ZNF326: variants seen among roughly 807,000 people sequenced by gnomAD.
ZNF326 encodes the protein zinc finger protein 326.
A neutral mutation model predicts 63.1 loss-of-function variants in ZNF326; 30 were observed. The ratio of observed to expected loss-of-function variants is 0.48; its 90% CI spans 0.36 to 0.64. The LOEUF is 0.64. ZNF326 is among the 30% of genes least tolerant of loss of function. The pLI, the probability that ZNF326 is intolerant of heterozygous loss-of-function variation, is 0.00. For missense variants in ZNF326, 609 were observed against 720.3 expected (o/e 0.85, Z 1.77); for synonymous variants, 194 against 228.2 (o/e 0.85, Z 1.35).
intron 1 of ZNF326, among the ~76,000 whole-genome samples, chr1:89,996,091 A>G (rs1263949644): frequency 1.3e-5 from 2 of 152,224 alleles, no homozygotes; most frequent in African/African-American, 2.4e-5. Context: ...TCAGATACTA[A>G]TTCTTTAAAC....
rs542385676 is a variant in ZNF326 at position 90,007,964 on chromosome 1, A to T, written c.615+214A>T. On this transcript the variant is annotated intron_variant, in intron 5 of 11. Transcript: ENST00000340281. This position sits in a 1 kb window ranked among gnomAD's most constrained non-coding sequence, Gnocchi z 4.9. ...TTGAGATGATCATAAAGTTGTGCCAAATCTCCCTTTATTAAAAAGGTGAGG... is the reference window on the plus strand; with the variant it reads ...TTGAGATGATCATAAAGTTGTGCCATATCTCCCTTTATTAAAAAGGTGAGG... Among the ~76,000 whole-genome samples the T allele has an allele frequency of 6.6e-6, 1 of 152,208 alleles. No individual in the cohort carries two copies. The highest frequency in any genetic ancestry group is 1.5e-5 in the Non-Finnish European group (1 of 68,030).
chr1:89,998,260 C>A (rs951864803), intron 2 of ZNF326, 106 bp downstream of exon 2: 73 of 989,692 alleles, frequency 7.4e-5, no homozygotes, highest in Non-Finnish European at 9.5e-5. Context: ...CTTGATATAT[C>A]ATTTATGTGT....
intron 9 of ZNF326, among the ~76,000 whole-genome samples, chr1:90,019,107 C>T (rs956840016): frequency 5.3e-5 from 8 of 152,018 alleles, no homozygotes; most frequent in African/African-American, 1.9e-4. Context: ...TTTAGTCTTT[C>T]CTTCTCTTTT....
intron 7 of ZNF326, among the ~76,000 whole-genome samples, chr1:90,013,575 T>C (rs1649356996): frequency 6.6e-6 from 1 of 152,336 alleles, no homozygotes; most frequent in South Asian, 2.1e-4. Flanking sequence ...GTAAGTTCTT[T>C]CCAATCCAGA....
At chr1:89,999,473 A>G (rs1258859481) in intron 2 of ZNF326, among the ~76,000 whole-genome samples, 3 of 152,150 alleles carry the variant, frequency 2.0e-5, no homozygotes, top group Non-Finnish European at 4.4e-5. Flanking sequence ...CCAGATGTTT[A>G]TTTATTAATT....
rs1358711913 is a variant in ZNF326, at chr1:90,031,929, G to A, written c.*4228G>A. 6.6e-6 allele frequency: 1 copy of A among 152,200 alleles called. No individual in the cohort carries two copies. The highest frequency in any genetic ancestry group is 1.5e-5 in the Non-Finnish European group (1 of 68,048). The allele number at this position is 152,200 out of a possible 1,614,324, so 9.4% of individuals were successfully genotyped here. Reference sequence around the variant, plus strand: ...ATGGAGTAACCGTCCAGGCAGGAATGTTCTAGTCTGTGTGACAGTTACAGT... The same window carrying A: ...ATGGAGTAACCGTCCAGGCAGGAATATTCTAGTCTGTGTGACAGTTACAGT... On this transcript the variant is annotated 3_prime_UTR_variant, in exon 12 of 12. Transcript: ENST00000340281.
At chr1:89,997,014 C>T (rs1281909202) in intron 1 of ZNF326, among the ~76,000 whole-genome samples, 1 of 152,138 alleles carries the variant, frequency 6.6e-6, no homozygotes, top group Non-Finnish European at 1.5e-5. Context: ...TCTGTTATTG[C>T]CATATGCCAG....
chr1:90,020,066 C>T (rs568082281), intron 9 of ZNF326, among the ~76,000 whole-genome samples: 18 of 152,120 alleles, frequency 1.2e-4, no homozygotes, highest in African/African-American at 4.1e-4. Flanking sequence ...AAATCCTTTT[C>T]TGTTGTCTTG....
intron 1 of ZNF326, among the ~76,000 whole-genome samples, chr1:89,995,582 G>A (rs1050710280): frequency 5.3e-5 from 8 of 152,260 alleles, no homozygotes; most frequent in African/African-American, 1.9e-4. Flanking sequence ...AAATTGCCCC[G>A]ACGTCTCCAA....
At chr1:90,022,966 G>C (rs902990600) in intron 11 of ZNF326, among the ~76,000 whole-genome samples, 2 of 152,192 alleles carry the variant, frequency 1.3e-5, no homozygotes, top group Non-Finnish European at 2.9e-5. Context: ...GAATCTCATG[G>C]AATTTGGCGG....
In ZNF326 at chr1:90,027,806, C is replaced by A; in HGVS notation, c.*105C>A. The stretch of plus-strand genomic sequence containing the variant: ...TATGAATTAACACCCATGTTGCATG[C>A]ATTCCACATATTAAAATTTGTTTTA... On this transcript the variant is annotated 3_prime_UTR_variant, in exon 12 of 12. Transcript: ENST00000340281. 1.0e-6 allele frequency: 1 copy of A among 999,170 alleles called. No individual in the cohort carries two copies. Among genetic ancestry groups the A allele is most frequent in the Non-Finnish European group, 1.5e-6 (1 of 678,850 alleles). 61.9% of individuals were successfully genotyped at this position (999,170 alleles called of 1,614,324 possible).
At chr1:90,000,936 A>G (rs1368478404) in intron 2 of ZNF326, among the ~76,000 whole-genome samples, 3 of 152,276 alleles carry the variant, frequency 2.0e-5, no homozygotes, top group East Asian at 3.9e-4. Context: ...TGTGTTCTAG[A>G]GACATCAAGG....
intron 11 of ZNF326, 95 bp downstream of exon 11, chr1:90,022,440 A>C: frequency 1.1e-6 from 1 of 870,010 alleles, no homozygotes; most frequent in Non-Finnish European, 1.8e-6. Flanking sequence ...TGAATATAGT[A>C]TAACATATTA....
chr1:90,005,425 G>A, intron 4 of ZNF326, 181 bp downstream of exon 4: 3 of 1,326,072 alleles, frequency 2.3e-6, no homozygotes, highest in Non-Finnish European at 2.9e-6. Flanking sequence ...ATTACTGGCA[G>A]ACGTTATTTT....
At chr1:90,000,303 T>TA (rs1324969296) in intron 2 of ZNF326, among the ~76,000 whole-genome samples, 1 of 152,214 alleles carries the variant, frequency 6.6e-6, no homozygotes, top group Non-Finnish European at 1.5e-5. Context: ...CATGGCAAGA[T>TA]ACAGATTTTC....
Position 90,027,848 on chromosome 1 carries a change from T to G in ZNF326, c.*147T>G, listed in dbSNP as rs1270060920. 3 of 723,668 alleles carry G rather than the reference T, an allele frequency of 4.1e-6. No homozygotes were observed. The African/African-American group carries it at 5.4e-5, about 13-fold the overall frequency. 44.8% of individuals were successfully genotyped at this position (723,668 alleles called of 1,614,324 possible). ...TTTGTTTTATATAATTTCTAAATGT[T>G]TAACATTTGTTTAATAAAATGAAGG... On this transcript the variant is annotated 3_prime_UTR_variant, in exon 12 of 12. Transcript: ENST00000340281.
rs1650206693 is a variant in ZNF326 at position 90,030,145 on chromosome 1, A to G, written c.*2444A>G. 6.6e-6 allele frequency: 1 copy of G among 152,196 alleles called. No individual in the cohort carries two copies. The highest frequency in any genetic ancestry group is 2.4e-5 in the African/African-American group (1 of 41,448). The allele number at this position is 152,196 out of a possible 1,614,324, so 9.4% of individuals were successfully genotyped here. On this transcript the variant is annotated 3_prime_UTR_variant, in exon 12 of 12. Coordinates refer to ENST00000340281, the MANE Select transcript of ZNF326 (RefSeq NM_182976.4). ...TCGCTTTTTATCACTTTCTACCTAC[A>G]GTCTACCAAAAAGTCTGTCTGTTCT...
chr1:90,010,620 G>C (rs1649192068), intron 6 of ZNF326, among the ~76,000 whole-genome samples: 1 of 152,060 alleles, frequency 6.6e-6, no homozygotes. Flanking sequence ...ATTTATTCCA[G>C]AGCAAGTCAT....
Position 90,022,240 on chromosome 1 carries a change from T to C in ZNF326, c.1306-10T>C. 2 of 1,590,880 alleles carry C rather than the reference T, an allele frequency of 1.3e-6. No individual in the cohort carries two copies. Among genetic ancestry groups the C allele is most frequent in the Middle Eastern group, 1.7e-4 (1 of 5,970 alleles). On this transcript the variant is annotated splice_polypyrimidine_tract_variant and intron_variant, in intron 10 of 11. Transcript: ENST00000340281. ...TTTCAAGAACCCTCAGTGTGTTCTG[T>C]TTTTTATAGGCTTATAAGGAACAAA...
Sources: allele counts gnomAD v4.1 joint callset (sites outside exome capture counted in the v4.1 genomes callset), GRCh38; gene constraint gnomAD v4.1.1; non-coding constraint Gnocchi (gnomAD v3.1); transcripts MANE v1.5; gene names NCBI Gene and HGNC (gene_info 2026-07-23, HGNC 2026-07-21).